Variants in CPNE4 observed in about 807,000 individuals in gnomAD.
CPNE4 encodes copine-4.
In CPNE4, 25 loss-of-function variants were observed where a neutral mutation model predicts 67.9. The observed-to-expected ratio is 0.37, with a 90% confidence interval of 0.27 to 0.51. The LOEUF is 0.51. Ranked by LOEUF, CPNE4 falls within the 20% of genes least tolerant of loss-of-function variation. The probability of loss-of-function intolerance (pLI) is 0.93; values close to 1 mark genes in which losing one functional copy is unlikely to be tolerated. For missense variants in CPNE4, 464 were observed against 690.8 expected (o/e 0.67, Z 3.68); for synonymous variants, 242 against 244.9 (o/e 0.99, Z 0.11).
chr3:131,694,449 TCATAGTCCA>T (rs2081104847), intron 5 of CPNE4, among the ~76,000 whole-genome samples: 1 of 152,120 alleles, frequency 6.6e-6, no homozygotes, highest in South Asian at 2.1e-4. Context: ...CACCACAAGT[TCATAGTCCA>T]CATGCTTTTT....
intron 2 of CPNE4, among the ~76,000 whole-genome samples, chr3:131,808,539 T>C (rs2084407680): frequency 6.6e-6 from 1 of 152,058 alleles, no homozygotes; most frequent in South Asian, 2.1e-4. Flanking sequence ...AGATGGGAGA[T>C]AATTATTTTT....
chr3:131,640,354 A>T (rs564052236), intron 7 of CPNE4, among the ~76,000 whole-genome samples: 2 of 152,288 alleles, frequency 1.3e-5, no homozygotes, highest in Non-Finnish European at 1.5e-5. Flanking sequence ...TAGCTCTGCT[A>T]TACACCAGCA....
intron 6 of CPNE4, among the ~76,000 whole-genome samples, chr3:131,675,507 A>G (rs571620897): frequency 2.0e-5 from 3 of 152,272 alleles, no homozygotes; most frequent in East Asian, 1.9e-4. Context: ...TTGGGTGCAC[A>G]TGTATTTACA....
At chr3:131,924,350 C>A (rs2070833545) in intron 1 of CPNE4, among the ~76,000 whole-genome samples, 1 of 152,144 alleles carries the variant, frequency 6.6e-6, no homozygotes, top group Non-Finnish European at 1.5e-5. Flanking sequence ...CAGCCGTGAA[C>A]TTAGCTCAAG....
chr3:131,608,161 T>C (rs984757920), intron 7 of CPNE4, among the ~76,000 whole-genome samples: 1 of 152,184 alleles, frequency 6.6e-6, no homozygotes, highest in Non-Finnish European at 1.5e-5. Context: ...TGCTATATTT[T>C]GAGTGCCTAC....
chr3:131,626,749 A>G (rs960451999), intron 7 of CPNE4, among the ~76,000 whole-genome samples: 4 of 152,248 alleles, frequency 2.6e-5, no homozygotes, highest in African/African-American at 7.2e-5. Context: ...ACAGTCTTAT[A>G]TTAAAAGTAA....
At chr3:131,890,683 T>C (rs2088079927) in intron 2 of CPNE4, among the ~76,000 whole-genome samples, 1 of 152,192 alleles carries the variant, frequency 6.6e-6, no homozygotes, top group South Asian at 2.1e-4. Context: ...AGCCAAAATA[T>C]GGAAACAATC....
chr3:131,961,349 C>G (rs1462476606), intron 1 of CPNE4, among the ~76,000 whole-genome samples: 1 of 152,040 alleles, frequency 6.6e-6, no homozygotes, highest in East Asian at 1.9e-4. Flanking sequence ...AAGGAATCAC[C>G]CTGAGCCTGT....
chr3:131,723,367 A>G, intron 3 of CPNE4, 79 bp downstream of exon 3: 1 of 1,282,538 alleles, frequency 7.8e-7, no homozygotes, highest in Non-Finnish European at 1.1e-6. Flanking sequence ...CAAGGATTAG[A>G]TGAAGGAAGA....
intron 1 of CPNE4, among the ~76,000 whole-genome samples, chr3:131,940,497 A>G (rs2071354838): frequency 2.6e-5 from 4 of 152,206 alleles, no homozygotes; most frequent in African/African-American, 7.2e-5. Flanking sequence ...AGAAAACTAC[A>G]TGAACTCTGG....
At position 131,587,666 on chromosome 3, in the gene CPNE4, A is replaced by G. The variant is rs879071054; in HGVS notation, c.682-84T>C. On this transcript the variant is annotated intron_variant, in intron 7 of 15. Transcript: ENST00000429747. ...AGGCAATGTTAACTTTAGGAGAAAGAGTAGATGAAAGATGTTTGGTCTGGA... is the reference window on the plus strand; with the variant it reads ...AGGCAATGTTAACTTTAGGAGAAAGGGTAGATGAAAGATGTTTGGTCTGGA... The G allele has an allele frequency of 3.8e-5, 36 of 943,242 alleles. No individual in the cohort carries two copies. In the South Asian group the frequency reaches 5.2e-4, roughly 14 times the overall value. The allele number at this position is 943,242 out of a possible 1,614,324, so 58.4% of individuals were successfully genotyped here. A position where few individuals can be genotyped will look rare whatever the true frequency, so the allele number is the denominator to read the frequency against.
At chr3:131,567,046 C>T (rs1937093243) in intron 10 of CPNE4, among the ~76,000 whole-genome samples, 1 of 151,952 alleles carries the variant, frequency 6.6e-6, no homozygotes. Flanking sequence ...ACCTCCTTAC[C>T]TCTGAAGGCA....
At chr3:131,857,500 C>T (rs2086495921) in intron 2 of CPNE4, among the ~76,000 whole-genome samples, 1 of 150,254 alleles carries the variant, frequency 6.7e-6, no homozygotes, top group Non-Finnish European at 1.5e-5. Context: ...CTGGGAACTA[C>T]TAAAATTGAT....
intron 2 of CPNE4, among the ~76,000 whole-genome samples, chr3:131,818,177 G>T (rs1052167791): frequency 1.3e-5 from 2 of 152,074 alleles, no homozygotes; most frequent in African/African-American, 4.8e-5. Flanking sequence ...ACACAAAACT[G>T]CTTTATTAGT....
chr3:131,967,371 A>T (rs1392458536), intron 1 of CPNE4, among the ~76,000 whole-genome samples: 1 of 152,206 alleles, frequency 6.6e-6, no homozygotes, highest in Non-Finnish European at 1.5e-5. Flanking sequence ...AGTTCTGGCC[A>T]GGGCAATCAG....
At chr3:131,850,401 C>T (rs149403720) in intron 2 of CPNE4, among the ~76,000 whole-genome samples, 150 of 152,132 alleles carry the variant, frequency 9.9e-4, no homozygotes, top group African/African-American at 3.5e-3. Context: ...TGTGTGGCCT[C>T]GGACAAGTTA....
At chr3:131,838,613 C>T (rs2085648011) in intron 2 of CPNE4, among the ~76,000 whole-genome samples, 1 of 45,804 alleles carries the variant, frequency 2.2e-5, no homozygotes, top group Admixed American at 3.3e-4. Flanking sequence ...TCCTTAAAGG[C>T]TTTTACCAAA....
At position 131,615,006 on chromosome 3, in the gene CPNE4, A is replaced by G. The variant is rs191129185; in HGVS notation, c.682-27424T>C. ...TAGATCACTATTCTTAAACTTTAGT[A>G]TGCACATAAATCACCTGGGGGGCTT... On this transcript the variant is annotated intron_variant, in intron 7 of 15. Transcript: ENST00000429747. Among the ~76,000 whole-genome samples the G allele has an allele frequency of 1.6e-3, 243 of 152,310 alleles. 2 individuals are homozygous for G. The highest frequency in any genetic ancestry group is 2.8e-3 in the Non-Finnish European group (193 of 68,034).
intron 2 of CPNE4, among the ~76,000 whole-genome samples, chr3:131,749,057 T>A (rs776956706): frequency 3.9e-5 from 6 of 152,162 alleles, no homozygotes; most frequent in Non-Finnish European, 7.4e-5. Flanking sequence ...TTTTTCCTCT[T>A]TTCTAATATG....
Sources: allele counts gnomAD v4.1 joint callset (sites outside exome capture counted in the v4.1 genomes callset), GRCh38; gene constraint gnomAD v4.1.1; transcripts MANE v1.5; gene names NCBI Gene and HGNC (gene_info 2026-07-23, HGNC 2026-07-21).